The following GRIN2A variants were observed in gnomAD, a reference collection of about 807,000 sequenced individuals.
GRIN2A encodes the protein glutamate ionotropic receptor NMDA type subunit 2A, also known as glutamate receptor ionotropic, NMDA 2A.
GRIN2A carries 22 observed loss-of-function variants against 113.4 expected under a neutral mutation model. The ratio of observed to expected loss-of-function variants is 0.19; its 90% CI spans 0.14 to 0.28. GRIN2A has a LOEUF of 0.28. Among genes scored for constraint, GRIN2A ranks in the 10% least tolerant of loss-of-function variants. GRIN2A has a pLI of 1.00. For synonymous variants in GRIN2A, 827 were observed against 738.4 expected (o/e 1.12, Z -1.94); for missense variants, 1,502 against 1,887.0 (o/e 0.80, Z 3.78).
intron 3 of GRIN2A, among the ~76,000 whole-genome samples, chr16:9,927,091 T>C (rs189452148): frequency 3.3e-5 from 5 of 152,358 alleles, no homozygotes; most frequent in African/African-American, 4.8e-5. Flanking sequence ...TGTTTACTTA[T>C]CTGTAATATG....
rs568975587 is a variant in GRIN2A at position 10,064,082 on chromosome 16, C to T, written c.414+115916G>A. On this transcript the variant is annotated intron_variant, in intron 2 of 12. Coordinates refer to ENST00000330684, the MANE Select transcript of GRIN2A (RefSeq NM_001134407.3). Reference sequence around the variant, plus strand: ...ATTTTTCAATGATCCTTAAGTTACTCTCAAACAGAGAGCTTTTCTTACCCA... The same window carrying T: ...ATTTTTCAATGATCCTTAAGTTACTTTCAAACAGAGAGCTTTTCTTACCCA... Among the ~76,000 whole-genome samples the T allele has an allele frequency of 3.2e-4, 49 of 152,318 alleles. 1 individual carries two copies. The South Asian group carries it at 9.3e-3, about 29-fold the overall frequency.
chr16:9,911,985 G>T (rs1360709759), intron 3 of GRIN2A, among the ~76,000 whole-genome samples: 3 of 152,154 alleles, frequency 2.0e-5, no homozygotes, highest in Non-Finnish European at 4.4e-5. Flanking sequence ...GTAAGATGGG[G>T]TTAATATCCC....
At chr16:9,868,645 C>A (rs1294941367) in intron 4 of GRIN2A, among the ~76,000 whole-genome samples, 1 of 152,132 alleles carries the variant, frequency 6.6e-6, no homozygotes, top group East Asian at 1.9e-4. Flanking sequence ...TTCCCCACTG[C>A]AGCTGGAATC....
chr16:10,093,675 A>G (rs1182511630), intron 2 of GRIN2A, among the ~76,000 whole-genome samples: 1 of 152,156 alleles, frequency 6.6e-6, no homozygotes. Flanking sequence ...AACTGGCCCA[A>G]TTCTTCATCT....
At chr16:10,045,366 G>T (rs190113403) in intron 2 of GRIN2A, among the ~76,000 whole-genome samples, 32 of 152,192 alleles carry the variant, frequency 2.1e-4, no homozygotes. Context: ...TCTCTGGCTG[G>T]TTTACATCCT....
intron 2 of GRIN2A, among the ~76,000 whole-genome samples, chr16:9,962,932 T>C (rs1400978713): frequency 2.0e-5 from 3 of 152,036 alleles, no homozygotes; most frequent in African/African-American, 4.8e-5. Context: ...CATGGAATAC[T>C]ATGCAGCCAT....
chr16:10,175,662 T>C (rs920426952), intron 2 of GRIN2A, among the ~76,000 whole-genome samples: 12 of 152,186 alleles, frequency 7.9e-5, no homozygotes, highest in African/African-American at 2.9e-4. Flanking sequence ...CTCAAACGAC[T>C]TACACTCTGG....
intron 2 of GRIN2A, among the ~76,000 whole-genome samples, chr16:10,159,721 T>C (rs2049773361): frequency 6.6e-6 from 1 of 152,168 alleles, no homozygotes; most frequent in African/African-American, 2.4e-5. Flanking sequence ...ATAATATATA[T>C]TATTTTATAG....
intron 10 of GRIN2A, among the ~76,000 whole-genome samples, chr16:9,806,799 A>T (rs1003535570): frequency 1.3e-5 from 2 of 152,130 alleles, no homozygotes; most frequent in Middle Eastern, 6.8e-3. Context: ...AAAAGAGGAT[A>T]GAAGAAGGTA....
chr16:10,119,389 T>TAAATAAA (rs777552316), intron 2 of GRIN2A, among the ~76,000 whole-genome samples: 128,101 of 151,980 alleles, frequency 0.84, 54,800 homozygotes, highest in East Asian at 0.92. Context: ...TGATGAGTTG[T>TAAATAAA]TTTCATGCTT....
intron 2 of GRIN2A, among the ~76,000 whole-genome samples, chr16:10,006,168 A>C (rs1355344290): frequency 6.6e-6 from 1 of 152,252 alleles, no homozygotes; most frequent in African/African-American, 2.4e-5. Context: ...TCCTAACTGC[A>C]GTCGTAGAAG....
intron 3 of GRIN2A, among the ~76,000 whole-genome samples, chr16:9,911,291 A>G (rs1010098642): frequency 7.9e-5 from 12 of 152,206 alleles, no homozygotes; most frequent in Non-Finnish European, 1.2e-4. Context: ...GTTTGAGACC[A>G]GCTTGGGTAA....
chr16:10,013,966 C>T (rs573841663), intron 2 of GRIN2A, among the ~76,000 whole-genome samples: 2 of 152,316 alleles, frequency 1.3e-5, no homozygotes, highest in African/African-American at 4.8e-5. Context: ...CTGGGTCAAG[C>T]TCCTCTGTTG....
At chr16:10,149,435 G>C (rs1339776132) in intron 2 of GRIN2A, among the ~76,000 whole-genome samples, 2 of 152,192 alleles carry the variant, frequency 1.3e-5, no homozygotes, top group Admixed American at 1.3e-4. Context: ...CCTGGGTGAA[G>C]CATATACTGA....
At position 10,112,340 on chromosome 16, in the gene GRIN2A, G is replaced by A. The variant is rs904903016; in HGVS notation, c.414+67658C>T. On this transcript the variant is annotated intron_variant, in intron 2 of 12. Coordinates refer to ENST00000330684, the MANE Select transcript of GRIN2A (RefSeq NM_001134407.3). ...TGATTGACACTGGTGTGGATGGACTGCATGTAGTTATGGGCTGCAGCTCTA... is the reference window on the plus strand; with the variant it reads ...TGATTGACACTGGTGTGGATGGACTACATGTAGTTATGGGCTGCAGCTCTA... 2.1e-5 allele frequency: 14 copies of A among 652,064 alleles called. No individual in the cohort carries two copies. In the Middle Eastern group the frequency reaches 1.2e-3, roughly 54 times the overall value. The allele number at this position is 652,064 out of a possible 1,614,324, so 40.4% of individuals were successfully genotyped here.
In GRIN2A at chr16:9,938,144, C is replaced by G. The variant is rs759344136; in HGVS notation, c.822G>C (p.Ser274=). The G allele has an allele frequency of 6.2e-7, 1 of 1,614,050 alleles. No homozygotes were observed. The stretch of plus-strand genomic sequence containing the variant: ...CATCGTAGGAGACAGAAATGAGTCC[C>G]GATGGAAACTCTTTTGGGATGAGCT... ...NTELIPKEFP[S]GLISVSYDDW... Residue 274 remains serine (S), a synonymous_variant, in exon 3 of 13, where the codon TCG becomes TCC. Transcript: ENST00000330684.
chr16:9,866,358 C>G lies in GRIN2A; in HGVS notation c.1123-16397G>C, dbSNP rs538031717. On this transcript the variant is annotated intron_variant, in intron 4 of 12. Transcript: ENST00000330684. ...AGAAGGGATGTGTAGGATCAGAGAA[C>G]AGCATGCACAAAAGCTTAGAAGCTG... Among the ~76,000 whole-genome samples, 48 of 152,170 alleles carry G rather than the reference C, an allele frequency of 3.2e-4. 1 individual carries two copies. Among genetic ancestry groups the G allele is most frequent in the African/African-American group, 1.1e-3 (44 of 41,520 alleles).
chr16:10,146,243 G>C (rs1002580983), intron 2 of GRIN2A, among the ~76,000 whole-genome samples: 2 of 152,090 alleles, frequency 1.3e-5, no homozygotes, highest in African/African-American at 4.8e-5. Flanking sequence ...TCAGCCTCCT[G>C]AGTAGCTGGG....
At chr16:10,128,132 C>T (rs562732564) in intron 2 of GRIN2A, among the ~76,000 whole-genome samples, 1 of 152,322 alleles carries the variant, frequency 6.6e-6, no homozygotes, top group East Asian at 1.9e-4. Flanking sequence ...GAGAAGGTGG[C>T]ACTGTCCATG....
Sources: allele counts gnomAD v4.1 joint callset (sites outside exome capture counted in the v4.1 genomes callset), GRCh38; gene constraint gnomAD v4.1.1; transcripts MANE v1.5; gene names NCBI Gene and HGNC (gene_info 2026-07-23, HGNC 2026-07-21).